Variants in PPP3R1 observed in about 807,000 individuals in gnomAD.
The protein encoded by PPP3R1 is calcineurin subunit B type 1.
Under a neutral mutation model 22.6 loss-of-function variants are expected in PPP3R1, and 5 were observed. The observed-to-expected ratio is 0.22, with a 90% CI of 0.12 to 0.46. The LOEUF (loss-of-function observed/expected upper bound fraction) is 0.46. PPP3R1 is among the 20% of genes least tolerant of loss of function. The pLI is 0.99. For synonymous variants in PPP3R1, 56 were observed against 65.2 expected (o/e 0.86, Z 0.68); for missense variants, 61 against 203.2 (o/e 0.30, Z 4.25).
rs1372264549 is a variant in PPP3R1 at position 68,242,020 on chromosome 2, T to C, written c.3+10105A>G. ...AGTTATTGTGTACTCGTAGATATTG[T>C]GAATGAAGAACTGAATTTACACTTT... On this transcript the variant is annotated intron_variant, in intron 1 of 5. Coordinates refer to ENST00000234310, the MANE Select transcript of PPP3R1 (RefSeq NM_000945.4). Among the ~76,000 whole-genome samples the C allele has an allele frequency of 3.3e-5, 5 of 152,218 alleles. No individual in the cohort carries two copies. In the East Asian group the frequency reaches 7.7e-4, roughly 23 times the overall value.
intron 1 of PPP3R1, among the ~76,000 whole-genome samples, chr2:68,251,518 G>A (rs1024906120): frequency 6.6e-6 from 1 of 152,164 alleles, no homozygotes; most frequent in South Asian, 2.1e-4. Context: ...AGCAGCGAAC[G>A]GAAACCCCGC....
intron 5 of PPP3R1, among the ~76,000 whole-genome samples, chr2:68,185,422 ATATATT>A (rs1228415562): frequency 1.4e-5 from 2 of 140,120 alleles, no homozygotes; most frequent in African/African-American, 5.0e-5. Context: ...TATTATATTT[ATATATT>A]TATATTTCTT....
chr2:68,232,221 A>G lies in PPP3R1; in HGVS notation c.4-15090T>C, dbSNP rs1669925885. Among the ~76,000 whole-genome samples the G allele has an allele frequency of 1.4e-4, 4 of 28,766 alleles. No homozygotes were observed. The African/African-American group carries it at 2.4e-3, about 17-fold the overall frequency. The allele number at this position is 28,766 out of a possible 152,430, so 18.9% of individuals were successfully genotyped here. A position where few individuals can be genotyped will look rare whatever the true frequency, so the allele number is the denominator to read the frequency against. Reference sequence around the variant, plus strand: ...TATTATATACATATTGTATATGTATATATGTGTGTGTGTGTGTGTGTGTGT... The same window carrying G: ...TATTATATACATATTGTATATGTATGTATGTGTGTGTGTGTGTGTGTGTGT... On this transcript the variant is annotated intron_variant, in intron 1 of 5. Transcript: ENST00000234310.
intron 1 of PPP3R1, 133 bp from the exon 2 acceptor site, chr2:68,217,264 TAC>T: frequency 1.9e-6 from 1 of 533,042 alleles, no homozygotes; most frequent in Non-Finnish European, 3.4e-6. Context: ...ATATATAAAT[TAC>T]ATTTATATTT....
In PPP3R1 at chr2:68,221,442, G is replaced by GC. The variant is rs771595718; in HGVS notation, c.4-4312_4-4311insG. Among the ~76,000 whole-genome samples, 495 of 152,214 alleles carry GC rather than the reference G, an allele frequency of 3.3e-3. 2 individuals are homozygous for GC. The highest frequency in any genetic ancestry group is 1.0e-2 in the South Asian group (48 of 4,818). Reference sequence around the variant, plus strand: ...GAGCCTGATAGGTCAAGGGTGCAGTGAGCCTTGAGCACACCACTGCACTCC... The same window carrying GC: ...GAGCCTGATAGGTCAAGGGTGCAGTGCAGCCTTGAGCACACCACTGCACTCC... On this transcript the variant is annotated intron_variant, in intron 1 of 5. Coordinates refer to ENST00000234310, the MANE Select transcript of PPP3R1 (RefSeq NM_000945.4).
chr2:68,197,300 G>A lies in PPP3R1; in HGVS notation c.44-8610C>T, dbSNP rs921345710. Among the ~76,000 whole-genome samples, 11 of 151,948 alleles carry A rather than the reference G, an allele frequency of 7.2e-5. 1 individual carries two copies. The highest frequency in any genetic ancestry group is 7.2e-4 in the Admixed American group (11 of 15,238). On this transcript the variant is annotated intron_variant, in intron 2 of 5. Transcript: ENST00000234310. ...CTACAGGATCATACAGTAGGTACTC[G>A]CGTCTATCTTCTTTTACTCACCAAG...
At chr2:68,250,588 A>T (rs1303514378) in intron 1 of PPP3R1, among the ~76,000 whole-genome samples, 2 of 152,250 alleles carry the variant, frequency 1.3e-5, no homozygotes, top group African/African-American at 2.4e-5. Flanking sequence ...TCACTTCAAA[A>T]GACTATGCCA....
intron 3 of PPP3R1, among the ~76,000 whole-genome samples, chr2:68,187,717 G>C (rs569271398): frequency 1.3e-5 from 2 of 152,152 alleles, no homozygotes; most frequent in South Asian, 2.1e-4. Context: ...CAAATATGCT[G>C]TTAGAAGTTT....
chr2:68,231,557 C>A (rs1380999149), intron 1 of PPP3R1, among the ~76,000 whole-genome samples: 4 of 152,122 alleles, frequency 2.6e-5, no homozygotes, highest in African/African-American at 9.7e-5. Flanking sequence ...GCTTGTTTTT[C>A]CTCAAAACTA....
chr2:68,209,627 A>T (rs1017717306), intron 2 of PPP3R1, among the ~76,000 whole-genome samples: 1 of 151,764 alleles, frequency 6.6e-6, no homozygotes, highest in African/African-American at 2.4e-5. Context: ...GAGTGGTGGT[A>T]CATGCCTGTG....
At chr2:68,229,973 T>TACACACACACAC (rs201152385) in intron 1 of PPP3R1, among the ~76,000 whole-genome samples, 4,705 of 143,138 alleles carry the variant, frequency 0.033, 88 homozygotes, top group Non-Finnish European at 0.039. Flanking sequence ...TATACACACA[T>TACACACACACAC]ACACACACAC....
chr2:68,237,943 T>C (rs1295776448), intron 1 of PPP3R1, among the ~76,000 whole-genome samples: 1 of 152,164 alleles, frequency 6.6e-6, no homozygotes, highest in African/African-American at 2.4e-5. Context: ...TTTATGAAAA[T>C]GTTTACTTAT....
chr2:68,181,201 A>G, intron 5 of PPP3R1, among the ~76,000 whole-genome samples, 191 bp from the exon 6 acceptor site: 1 of 152,086 alleles, frequency 6.6e-6, no homozygotes, highest in East Asian at 1.9e-4. Flanking sequence ...CATCCTGGCT[A>G]ACACACGGTG....
chr2:68,212,839 G>A (rs566618627), intron 2 of PPP3R1, among the ~76,000 whole-genome samples: 9 of 152,356 alleles, frequency 5.9e-5, no homozygotes, highest in African/African-American at 2.2e-4. Flanking sequence ...TGGTCCCCAA[G>A]AGGAGAGTCA....
chr2:68,199,817 C>T (rs964221538), intron 2 of PPP3R1, among the ~76,000 whole-genome samples: 2 of 152,148 alleles, frequency 1.3e-5, no homozygotes, highest in African/African-American at 4.8e-5. Context: ...ATCCTTTTTA[C>T]ACACCACCGA....
intron 1 of PPP3R1, among the ~76,000 whole-genome samples, chr2:68,232,216 T>TA (rs1558641406): frequency 5.2e-4 from 29 of 56,120 alleles, no homozygotes; most frequent in Middle Eastern, 8.5e-3. Flanking sequence ...ATATTGTATA[T>TA]GTATATATGT....
At chr2:68,185,488 C>T (rs866319692) in intron 5 of PPP3R1, among the ~76,000 whole-genome samples, 4 of 147,070 alleles carry the variant, frequency 2.7e-5, no homozygotes, top group Non-Finnish European at 6.0e-5. Context: ...GTAAAATATA[C>T]ATAAGATATA....
At chr2:68,213,719 C>G (rs1158569023) in intron 2 of PPP3R1, among the ~76,000 whole-genome samples, 1 of 152,120 alleles carries the variant, frequency 6.6e-6, no homozygotes, top group Non-Finnish European at 1.5e-5. Flanking sequence ...TACAATAAAT[C>G]AAAGCATAAT....
At chr2:68,200,758 G>C (rs1020727112) in intron 2 of PPP3R1, among the ~76,000 whole-genome samples, 1 of 152,188 alleles carries the variant, frequency 6.6e-6, no homozygotes, top group Non-Finnish European at 1.5e-5. Context: ...GTGGAGAAAA[G>C]AGAATAAGAG....
Sources: gnomAD v4.1 joint callset for allele counts (sites outside exome capture counted in the v4.1 genomes callset) on GRCh38, gnomAD v4.1.1 for gene constraint, MANE v1.5 for transcripts, NCBI Gene and HGNC (gene_info 2026-07-23, HGNC 2026-07-21) for gene names.